Variants in RAD54L2 observed in about 807,000 individuals in gnomAD.
The protein encoded by RAD54L2 is RAD54 like 2, also known as helicase ARIP4.
A neutral mutation model predicts 138.4 loss-of-function variants in RAD54L2; 27 were observed. The ratio of observed to expected loss-of-function variants is 0.20; its 90% CI spans 0.14 to 0.27. The LOEUF is 0.27. Ranked by LOEUF, RAD54L2 falls within the 10% of genes least tolerant of loss-of-function variation. The pLI is 1.00. For synonymous variants in RAD54L2, 644 were observed against 723.2 expected, an observed-to-expected ratio of 0.89 and a Z score of 1.76; for missense variants, 1,396 against 1,890.2, an observed-to-expected ratio of 0.74 and a Z score of 4.85.
intron 3 of RAD54L2, among the ~76,000 whole-genome samples, chr3:51,608,574 C>T (rs984951845): frequency 5.3e-5 from 8 of 152,230 alleles, no homozygotes; most frequent in Non-Finnish European, 7.3e-5. Context: ...TCTGCAATCC[C>T]GGCACCTCGG....
rs926385782 is a variant in RAD54L2 at position 51,638,393 on chromosome 3, C to T, written c.1860+72C>T. ...CATGGTCCCAAGGGAGTTACTCCTA[C>T]TGAGAGTCTTCAATAAAGGGAGAAT... On this transcript the variant is annotated intron_variant, in intron 12 of 22. Coordinates refer to ENST00000684192, the MANE Select transcript of RAD54L2 (RefSeq NM_015106.4). The surrounding 1 kb of genome is among the most constrained non-coding windows in gnomAD (Gnocchi z 4.3). 3 of 1,551,014 alleles carry T rather than the reference C, an allele frequency of 1.9e-6. No homozygotes were observed. The Admixed American group carries it at 5.2e-5, about 27-fold the overall frequency.
intron 3 of RAD54L2, among the ~76,000 whole-genome samples, chr3:51,591,989 A>G (rs1418897340): frequency 6.7e-6 from 1 of 149,354 alleles, no homozygotes; most frequent in African/African-American, 2.5e-5. Flanking sequence ...TTATTTATTT[A>G]GAAATGACAA....
At chr3:51,631,438 T>C (rs1329302689) in intron 7 of RAD54L2, among the ~76,000 whole-genome samples, 16 of 151,112 alleles carry the variant, frequency 1.1e-4, no homozygotes, top group South Asian at 2.1e-4. Context: ...TTTTTTTTTT[T>C]CTCCTGAGAC....
rs1355894783 is a variant in RAD54L2 at position 51,662,496 on chromosome 3, C to A, written c.3480C>A (p.Asp1160Glu). The change falls in exon 23 of 23, where the codon GAC becomes GAA. Residue 1160 changes from aspartate to glutamate, a missense_variant. Asp to Glu is a conservative substitution (Grantham distance 45). Transcript: ENST00000684192. This position sits in a 1 kb window ranked among gnomAD's most constrained non-coding sequence, Gnocchi z 4.6. ...GTGCCTCATCACCCAAAGCCCCCGACCCTGAGGGGCTGGCCAGGCCCGTCT... is the reference window on the plus strand; with the variant it reads ...GTGCCTCATCACCCAAAGCCCCCGAACCTGAGGGGCTGGCCAGGCCCGTCT... The part of the protein sequence containing the change: ...RHSASSPKAP[D>E]PEGLARPVSP... 6.2e-6 allele frequency: 10 copies of A among 1,608,320 alleles called. No homozygotes were observed. Among genetic ancestry groups the A allele is most frequent in the Non-Finnish European group, 8.5e-6 (10 of 1,176,766 alleles).
At chr3:51,633,837 G>T in intron 8 of RAD54L2, 65 bp from the exon 9 acceptor site, 1 of 1,603,896 alleles carries the variant, frequency 6.2e-7, no homozygotes, top group South Asian at 1.1e-5. Flanking sequence ...GCACCAAAAA[G>T]CTTGATGAGC....
chr3:51,658,959 A>C (rs1701680478), intron 21 of RAD54L2, among the ~76,000 whole-genome samples: 1 of 152,090 alleles, frequency 6.6e-6, no homozygotes, highest in Non-Finnish European at 1.5e-5. Context: ...AAATTATATG[A>C]ATTTCACATT....
At chr3:51,566,466 GTTTTTTT>G (rs71084149) in intron 2 of RAD54L2, among the ~76,000 whole-genome samples, 14 of 31,514 alleles carry the variant, frequency 4.4e-4, no homozygotes, top group South Asian at 1.7e-3. Context: ...CCTTTTCTGC[GTTTTTTT>G]TTTTTTTTTT....
intron 3 of RAD54L2, among the ~76,000 whole-genome samples, chr3:51,600,185 G>A (rs375223598): frequency 3.7e-4 from 56 of 151,570 alleles, no homozygotes; most frequent in African/African-American, 1.1e-3. Context: ...CTTGTGATCC[G>A]CCTGCTTCGG....
chr3:51,575,328 C>T (rs1259288047), intron 2 of RAD54L2, among the ~76,000 whole-genome samples: 2 of 152,150 alleles, frequency 1.3e-5, no homozygotes, highest in African/African-American at 2.4e-5. Flanking sequence ...CTTGGCAATG[C>T]AGGCTCTTTT....
At chr3:51,583,026 A>G (rs1699642418) in intron 2 of RAD54L2, among the ~76,000 whole-genome samples, 1 of 152,186 alleles carries the variant, frequency 6.6e-6, no homozygotes, top group Non-Finnish European at 1.5e-5. Context: ...TGGCCTCCCA[A>G]AGTGCTAGGA....
intron 20 of RAD54L2, 32 bp downstream of exon 20, chr3:51,656,202 C>A: frequency 6.6e-7 from 1 of 1,519,076 alleles, no homozygotes; most frequent in South Asian, 1.2e-5. Flanking sequence ...GGCAGAGCTG[C>A]TGTCCCTTTT....
chr3:51,647,791 G>A (rs1388071974), intron 19 of RAD54L2, among the ~76,000 whole-genome samples: 1 of 152,122 alleles, frequency 6.6e-6, no homozygotes, highest in Non-Finnish European at 1.5e-5. Context: ...GTCATTACAG[G>A]TGTGAGCCAC....
Position 51,538,759 on chromosome 3 carries a change from A to G in RAD54L2, c.-273A>G, listed in dbSNP as rs1478940402. On this transcript the variant is annotated 5_prime_UTR_variant, in exon 1 of 23. Transcript: ENST00000684192. Reference sequence around the variant, plus strand: ...CGCCGGTGGAGACCGACGCTTGGCCAGAGCCAGCCCGCGGCGCCCGGGCCT... The same window carrying G: ...CGCCGGTGGAGACCGACGCTTGGCCGGAGCCAGCCCGCGGCGCCCGGGCCT... Among the ~76,000 whole-genome samples the G allele has an allele frequency of 6.6e-6, 1 of 151,926 alleles. No homozygotes were observed. The highest frequency in any genetic ancestry group is 1.9e-4 in the East Asian group (1 of 5,192).
chr3:51,561,527 G>A (rs540605394), intron 2 of RAD54L2, among the ~76,000 whole-genome samples: 88 of 151,722 alleles, frequency 5.8e-4, no homozygotes, highest in Non-Finnish European at 9.4e-4. Flanking sequence ...TTATAGGCGT[G>A]AGCCACCACG....
chr3:51,639,531 C>A lies in RAD54L2; in HGVS notation c.1973C>A (p.Pro658Gln), dbSNP rs1431141778. 1 of 1,613,986 alleles carries A rather than the reference C, an allele frequency of 6.2e-7. No homozygotes were observed. The change falls in exon 13 of 23, where the codon CCA (proline) becomes CAA (glutamine). Residue 658 changes from proline to glutamine, a missense_variant. Physicochemically the swap from Pro to Gln is moderately conservative, Grantham distance 76. Around this residue, in one of 7 missense-constraint regions of RAD54L2, gnomAD observed 211 missense variants for 273.8 expected, o/e 0.77. Transcript: ENST00000684192. ...TCTGCAGGGACCAGTGCCCGCTGTC[C>A]ACCACAGGGAACAAAAGGCAAGGGA... ...LGSAGTSARC[P>Q]PQGTKGKGED...
intron 19 of RAD54L2, among the ~76,000 whole-genome samples, chr3:51,654,175 G>A (rs1701532613): frequency 6.6e-6 from 1 of 152,018 alleles, no homozygotes; most frequent in African/African-American, 2.4e-5. Context: ...AGCTACCCAA[G>A]TAGCTGGGAT....
intron 20 of RAD54L2, among the ~76,000 whole-genome samples, chr3:51,656,604 T>C (rs1027228764): frequency 1.3e-5 from 2 of 152,182 alleles, no homozygotes; most frequent in Admixed American, 6.5e-5. Context: ...AAATTGAGCA[T>C]GGTGGGCCAG....
rs1201041808 is a variant in RAD54L2, at chr3:51,646,385, G to A, written c.2930G>A (p.Arg977His). 6 of 1,613,622 alleles carry A rather than the reference G, an allele frequency of 3.7e-6. No individual in the cohort carries two copies. The highest frequency in any genetic ancestry group is 2.2e-5 in the East Asian group (1 of 44,850). Reference protein sequence around the residue: ...AAKKSYEEDKRTSVPYTRPSY... With the variant: ...AAKKSYEEDKHTSVPYTRPSY... ...AAGAAAAGCTATGAGGAAGACAAAC[G>A]CACATCAGTCCCCTATACCCGCCCA... The change falls in exon 19 of 23, where the codon CGC becomes CAC. Residue 977 changes from arginine (R) to histidine (H), a missense_variant. Arg to His is a conservative substitution (Grantham distance 29). Around this residue, in one of 7 missense-constraint regions of RAD54L2, gnomAD observed 634 missense variants for 711.2 expected, o/e 0.89. Coordinates refer to ENST00000684192, the MANE Select transcript of RAD54L2 (RefSeq NM_015106.4).
At chr3:51,577,114 T>C (rs1699498342) in intron 2 of RAD54L2, among the ~76,000 whole-genome samples, 1 of 152,232 alleles carries the variant, frequency 6.6e-6, no homozygotes, top group South Asian at 2.1e-4. Context: ...CCAGTAGTCA[T>C]TCAGGAGCAG....
Sources: gnomAD v4.1 joint callset for allele counts (sites outside exome capture counted in the v4.1 genomes callset) on GRCh38, gnomAD v4.1.1 for gene constraint, gnomAD v4.1.1 regional missense constraint, Gnocchi (gnomAD v3.1) non-coding constraint, MANE v1.5 for transcripts, NCBI Gene and HGNC (gene_info 2026-07-23, HGNC 2026-07-21) for gene names.